SERPINB12: variants seen among roughly 807,000 people sequenced by gnomAD.
The protein encoded by SERPINB12 is serpin B12.
Under a neutral mutation model 41.1 loss-of-function variants are expected in SERPINB12, and 57 were observed. The ratio of observed to expected loss-of-function variants is 1.39; its 90% CI spans 1.12 to 1.73. The LOEUF (loss-of-function observed/expected upper bound fraction) is 1.73, where lower values mean the gene tolerates loss of function less well. SERPINB12 is among the 40% of genes most tolerant of loss of function. SERPINB12 has a pLI of 0.00. For synonymous variants in SERPINB12, 180 were observed against 181.3 expected (o/e 0.99, Z 0.06); for missense variants, 536 against 501.9 (o/e 1.07, Z -0.65).
chr18:63,567,139 T>G lies in SERPINB12; in HGVS notation c.*128T>G. On this transcript the variant is annotated 3_prime_UTR_variant, in exon 8 of 8. Transcript: ENST00000382768. ...CTCCTTCATCCTCCAGCCATCGGCT[T>G]GTGCTTATCTTGATCTTTCTGTCAC... 1 of 889,242 alleles carries G rather than the reference T, an allele frequency of 1.1e-6. No homozygotes were observed. The highest frequency in any genetic ancestry group is 1.7e-6 in the Non-Finnish European group (1 of 599,254). The allele number at this position is 889,242 out of a possible 1,614,324, so 55.1% of individuals were successfully genotyped here. A position where few individuals can be genotyped will look rare whatever the true frequency, so the allele number is the denominator to read the frequency against.
the SERPINB12 span, among the ~76,000 whole-genome samples, chr18:63,529,070 T>C: frequency 3.9e-5 from 6 of 152,186 alleles, no homozygotes; most frequent in Admixed American, 2.0e-4. Flanking sequence ...CTATCCTGCT[T>C]CTGGACACTA....
intron 1 of SERPINB12, among the ~76,000 whole-genome samples, chr18:63,548,449 G>C (rs1395154452): frequency 1.3e-5 from 2 of 152,004 alleles, no homozygotes; most frequent in Non-Finnish European, 1.5e-5. Context: ...GTTTTGAAGT[G>C]ATAGAAGAGA....
At chr18:63,519,313 C>A in the SERPINB12 span, among the ~76,000 whole-genome samples, 3 of 152,276 alleles carry the variant, frequency 2.0e-5, no homozygotes, top group Middle Eastern at 3.4e-3. Context: ...CTGCAAAGTG[C>A]TTATAAAAGG....
chr18:63,558,246 T>C, intron 2 of SERPINB12, 106 bp from the exon 3 acceptor site: 1 of 1,266,794 alleles, frequency 7.9e-7, no homozygotes, highest in Non-Finnish European at 1.1e-6. Context: ...ATTGTTTTGT[T>C]TGACTATGTA....
At chr18:63,556,101 C>A in intron 1 of SERPINB12, 41 bp from the exon 2 acceptor site, 1 of 1,416,918 alleles carries the variant, frequency 7.1e-7, no homozygotes, top group Non-Finnish European at 9.8e-7. Context: ...TTATTTTCTT[C>A]CAATCACCAT....
At chr18:63,525,623 A>G in the SERPINB12 span, among the ~76,000 whole-genome samples, 1 of 152,138 alleles carries the variant, frequency 6.6e-6, no homozygotes, top group African/African-American at 2.4e-5. Context: ...TCAACATAAT[A>G]TTACTTTAAC....
chr18:63,560,041 G>A lies in SERPINB12; in HGVS notation c.444+323G>A, dbSNP rs183539078. ...CCTGACTGTCTTCCCCAGTCAATGT[G>A]CCTGGTTGCTGCACTTCTCTCTCCC... On this transcript the variant is annotated intron_variant, in intron 4 of 7. Transcript: ENST00000382768. Among the ~76,000 whole-genome samples the A allele has an allele frequency of 4.1e-3, 631 of 152,284 alleles. 5 individuals are homozygous for A. Among genetic ancestry groups the A allele is most frequent in the African/African-American group, 0.015 (606 of 41,568 alleles).
chr18:63,568,307 G>A lies in SERPINB12; in HGVS notation c.*1296G>A, dbSNP rs137999076. 1.6e-3 allele frequency among the ~76,000 whole-genome samples: 250 copies of A among 152,272 alleles called. No homozygotes were observed. The highest frequency in any genetic ancestry group is 5.7e-3 in the African/African-American group (237 of 41,538). ...GAGGTGGGAAGATCACTTGAACCCA[G>A]GGGATGGAGGCTGCAGTAAGCTGAG... On this transcript the variant is annotated 3_prime_UTR_variant, in exon 8 of 8. Coordinates refer to ENST00000382768, the MANE Select transcript of SERPINB12 (RefSeq NM_001307928.2).
At chr18:63,543,293 C>G (rs922565249) in intron 1 of SERPINB12, among the ~76,000 whole-genome samples, 1 of 152,128 alleles carries the variant, frequency 6.6e-6, no homozygotes, top group African/African-American at 2.4e-5. Context: ...ATGGCAGTCC[C>G]CTTTACTAAA....
At chr18:63,541,979 T>G (rs372925738), upstream of SERPINB12, among the ~76,000 whole-genome samples, 13 of 152,326 alleles carry the variant, frequency 8.5e-5, 1 homozygote, top group African/African-American at 3.1e-4. Context: ...TTGTCACTAC[T>G]CAATTTATTT....
In SERPINB12 at chr18:63,568,403, C is replaced by T. The variant is rs187568808; in HGVS notation, c.*1392C>T. ...CTCAAAAAACAAACAAACAAAAAAC[C>T]CAAAAAGCCAAAACAAAACCTGAAA... On this transcript the variant is annotated 3_prime_UTR_variant, in exon 8 of 8. Transcript: ENST00000382768. 3.3e-5 allele frequency among the ~76,000 whole-genome samples: 5 copies of T among 151,906 alleles called. No homozygotes were observed. In the East Asian group the frequency reaches 9.7e-4, roughly 30 times the overall value.
At chr18:63,551,008 G>A (rs8088935) in intron 1 of SERPINB12, among the ~76,000 whole-genome samples, 103,198 of 151,878 alleles carry the variant, frequency 0.68, 35,429 homozygotes, top group Middle Eastern at 0.74. Context: ...GGTGGTTCAC[G>A]CCTGTAATCC....
the SERPINB12 span, among the ~76,000 whole-genome samples, chr18:63,529,708 C>A: frequency 6.6e-6 from 1 of 151,820 alleles, no homozygotes; most frequent in South Asian, 2.1e-4. Context: ...TGTGTACCTA[C>A]CTGTATGTAT....
chr18:63,543,602 T>A (rs9949833), intron 1 of SERPINB12, among the ~76,000 whole-genome samples: 131 of 15,386 alleles, frequency 8.5e-3, no homozygotes, highest in South Asian at 0.011. Flanking sequence ...TTATTTATTT[T>A]TTTTTTTATT....
In SERPINB12 at chr18:63,564,065, G is replaced by A. The variant is rs1381647617; in HGVS notation, c.650G>A (p.Trp217Ter). 1.9e-6 allele frequency: 3 copies of A among 1,614,022 alleles called. No individual in the cohort carries two copies. The South Asian group carries it at 3.3e-5, about 18-fold the overall frequency. Reference sequence around the variant, plus strand: ...AATGCTGTTTACTTCAAGGCCAAATGGGAAACATACTTTGACCATGAAAAC... The same window carrying A: ...AATGCTGTTTACTTCAAGGCCAAATAGGAAACATACTTTGACCATGAAAAC... ...LVNAVYFKAK[W>*]ETYFDHENTV... is the part of the protein sequence containing the mutation. The change falls in exon 6 of 8, where the codon TGG (tryptophan) becomes TAG (stop). Residue 217 changes from tryptophan (W) to a stop codon, truncating the protein, a stop_gained. Transcript: ENST00000382768. LOFTEE classifies it high-confidence loss of function.
rs767610178 is a variant in SERPINB12, at chr18:63,556,266, C to G, written c.107C>G (p.Ser36Ter). 18 of 1,614,112 alleles carry G rather than the reference C, an allele frequency of 1.1e-5. No homozygotes were observed. Among genetic ancestry groups the G allele is most frequent in the Non-Finnish European group, 1.5e-5 (18 of 1,179,970 alleles). ...ATATTTTTCTCTCCCCTGAGCCTCT[C>G]AGCTGCCCTTGGTATGGTACGCTTG... The part of the protein sequence containing the change: ...KNIFFSPLSL[S>*]AALGMVRLGA... Residue 36 changes from serine (S) to a stop codon, truncating the protein, a stop_gained, in exon 2 of 8, where the codon TCA becomes TGA. Transcript: ENST00000382768. LOFTEE classifies it high-confidence loss of function.
the SERPINB12 span, among the ~76,000 whole-genome samples, chr18:63,522,466 A>T: frequency 6.6e-6 from 1 of 152,216 alleles, no homozygotes. Context: ...GATAAAGAGA[A>T]AAATGGTAAA....
intron 1 of SERPINB12, among the ~76,000 whole-genome samples, chr18:63,551,757 G>A (rs1228733349): frequency 6.6e-6 from 1 of 152,146 alleles, no homozygotes; most frequent in Admixed American, 6.5e-5. Flanking sequence ...TTTTGGTATT[G>A]TAATATTTAG....
intron 2 of SERPINB12, among the ~76,000 whole-genome samples, chr18:63,557,517 T>C (rs962707523): frequency 5.9e-5 from 9 of 152,220 alleles, no homozygotes; most frequent in Non-Finnish European, 1.2e-4. Context: ...CCCCTGAATA[T>C]GGAGCAGTAG....
Sources: allele counts gnomAD v4.1 joint callset (sites outside exome capture counted in the v4.1 genomes callset), GRCh38; gene constraint gnomAD v4.1.1; transcripts MANE v1.5; gene names NCBI Gene and HGNC (gene_info 2026-07-23, HGNC 2026-07-21).